RASGRF1: variants seen among roughly 807,000 people sequenced by gnomAD.
The protein encoded by RASGRF1 is Ras protein specific guanine nucleotide releasing factor 1.
In RASGRF1, 40 loss-of-function variants were observed where a neutral mutation model predicts 138.7. That is an observed-to-expected ratio of 0.29 (90% CI 0.22 to 0.38). The LOEUF is 0.38. RASGRF1 is among the 10% of genes least tolerant of loss of function. The probability of loss-of-function intolerance (pLI) is 1.00; values close to 1 mark genes in which losing one functional copy is unlikely to be tolerated. For missense variants in RASGRF1, 1,108 were observed against 1,650.4 expected (o/e 0.67, Z 5.69); for synonymous variants, 614 against 663.2 (o/e 0.93, Z 1.14).
In RASGRF1 at chr15:79,022,456, A is replaced by ACC. The variant is rs570334494; in HGVS notation, c.1543-2354_1543-2353dup. ...ACTCCACCTCAAAAACAAACAAACA[A>ACC]CCCCCCCCCAAAAACCCCCACAAAA... On this transcript the variant is annotated intron_variant, in intron 10 of 26. Transcript: ENST00000558480. Among the ~76,000 whole-genome samples the ACC allele has an allele frequency of 4.6e-3, 603 of 130,382 alleles. 3 individuals carry two copies. The highest frequency in any genetic ancestry group is 0.016 in the African/African-American group (522 of 32,100). 85.5% of individuals were successfully genotyped at this position (130,382 alleles called of 152,430 possible).
At chr15:79,072,584 T>A (rs896566622) in intron 1 of RASGRF1, among the ~76,000 whole-genome samples, 1 of 151,990 alleles carries the variant, frequency 6.6e-6, no homozygotes, top group Non-Finnish European at 1.5e-5. Context: ...CAATAAATAA[T>A]CTTAATATCA....
intron 13 of RASGRF1, among the ~76,000 whole-genome samples, chr15:79,011,997 C>G (rs994209229): frequency 1.3e-5 from 2 of 150,420 alleles, no homozygotes; most frequent in Non-Finnish European, 3.0e-5. Flanking sequence ...GCCTGGGTGA[C>G]AGAGCGAGAC....
intron 15 of RASGRF1, 130 bp downstream of exon 15, chr15:79,003,672 T>TG: frequency 7.2e-7 from 1 of 1,386,908 alleles, no homozygotes; most frequent in East Asian, 2.3e-5. Flanking sequence ...ATCTGCCTGG[T>TG]GGGACCCCCA....
chr15:79,072,992 C>T (rs1273118252), intron 1 of RASGRF1, among the ~76,000 whole-genome samples: 1 of 152,180 alleles, frequency 6.6e-6, no homozygotes, highest in Admixed American at 6.5e-5. Context: ...TTGCCTGGAT[C>T]CCGGTTGGAT....
At chr15:79,053,280 C>G (rs762954805) in intron 3 of RASGRF1, among the ~76,000 whole-genome samples, 12 of 152,148 alleles carry the variant, frequency 7.9e-5, no homozygotes, top group Admixed American at 3.9e-4. Flanking sequence ...CAACCCAAAA[C>G]TGATTCCAAG....
intron 21 of RASGRF1, 63 bp downstream of exon 21, chr15:78,991,628 G>A: frequency 7.6e-7 from 1 of 1,314,678 alleles, no homozygotes; most frequent in Non-Finnish European, 1.1e-6. Flanking sequence ...TGTGCTTCCA[G>A]GGTGCTGTCC....
intron 4 of RASGRF1, 34 bp downstream of exon 4, chr15:79,049,462 T>A (rs767543728): frequency 6.3e-7 from 1 of 1,599,750 alleles, no homozygotes. Context: ...AAGAGAGAGC[T>A]CCAAAGAAGG....
chr15:79,006,244 C>T lies in RASGRF1; in HGVS notation c.2017G>A (p.Val673Met), dbSNP rs370166186. 66 of 1,614,046 alleles carry T rather than the reference C, an allele frequency of 4.1e-5. No homozygotes were observed. Among genetic ancestry groups the T allele is most frequent in the Non-Finnish European group, 5.4e-5 (64 of 1,180,054 alleles). ...HSYRVFTTAI[V>M]VLDKLITIYK... ...ATGGTAATGAGCTTGTCCAGGACCA[C>T]GATGGCGGTGGTGAAGACGCGGTAG... Residue 673 changes from valine (V) to methionine (M), a missense_variant, in exon 14 of 27, where the codon GTG (valine) becomes ATG (methionine). Val to Met is a conservative substitution (Grantham distance 21). Coordinates refer to ENST00000558480, the MANE Select transcript of RASGRF1 (RefSeq NM_001145648.3). The surrounding 1 kb of genome is among the most constrained non-coding windows in gnomAD (Gnocchi z 4.0).
At chr15:79,058,782 T>C (rs906605095) in intron 2 of RASGRF1, among the ~76,000 whole-genome samples, 1 of 152,234 alleles carries the variant, frequency 6.6e-6, no homozygotes, top group Non-Finnish European at 1.5e-5. Context: ...GAGAGAATCC[T>C]TTAGTTTATA....
chr15:79,001,706 T>TAACTAAATCAAC lies in RASGRF1; in HGVS notation c.2530_2531insGTTGATTTAGTT (p.Lys844delinsSerTer). Reference sequence around the variant, plus strand: ...GACTGATTTGGGTGTTGTTGGAGATTTAGTTGGTGATGTTTCAGTATCACC... The same window carrying TAACTAAATCAAC: ...GACTGATTTGGGTGTTGTTGGAGATTAACTAAATCAACTAGTTGGTGATGTTTCAGTATCACC... On this transcript the variant is annotated stop_gained and protein_altering_variant, in exon 16 of 27. Coordinates refer to ENST00000558480, the MANE Select transcript of RASGRF1 (RefSeq NM_001145648.3). LOFTEE classifies it high-confidence loss of function. The TAACTAAATCAAC allele has an allele frequency of 6.2e-7, 1 of 1,611,346 alleles. No individual in the cohort carries two copies. The highest frequency in any genetic ancestry group is 8.5e-7 in the Non-Finnish European group (1 of 1,177,504).
chr15:79,064,422 G>T lies in RASGRF1; in HGVS notation c.381C>A (p.Ala127=). The T allele has an allele frequency of 6.2e-7, 1 of 1,613,634 alleles. No individual in the cohort carries two copies. Among genetic ancestry groups the T allele is most frequent in the Middle Eastern group, 1.7e-4 (1 of 6,058 alleles). The change falls in exon 2 of 27, where the codon GCC becomes GCA. Residue 127 remains alanine, a splice_region_variant and synonymous_variant. Coordinates refer to ENST00000558480, the MANE Select transcript of RASGRF1 (RefSeq NM_001145648.3). Reference sequence around the variant, plus strand: ...CTGCCCTGGGCAAGGAGACATACCTGGCATGTGCAATGGCTGCCACCCATT... The same window carrying T: ...CTGCCCTGGGCAAGGAGACATACCTTGCATGTGCAATGGCTGCCACCCATT... ...CDEWVAAIAH[A]SYRTLATEHE...
intron 24 of RASGRF1, among the ~76,000 whole-genome samples, chr15:78,974,382 C>A (rs2055831946): frequency 6.6e-6 from 1 of 152,172 alleles, no homozygotes; most frequent in African/African-American, 2.4e-5. Flanking sequence ...GGCCACCTGG[C>A]AACCCTGCTA....
intron 6 of RASGRF1, among the ~76,000 whole-genome samples, chr15:79,033,879 C>T (rs575896676): frequency 2.0e-5 from 3 of 152,264 alleles, no homozygotes; most frequent in Non-Finnish European, 2.9e-5. Context: ...CATGAGTCAC[C>T]GTGCTCGGCC....
intron 10 of RASGRF1, among the ~76,000 whole-genome samples, chr15:79,022,865 G>C (rs773135537): frequency 2.6e-5 from 4 of 152,216 alleles, no homozygotes; most frequent in African/African-American, 7.2e-5. Context: ...TTTATCTGAT[G>C]CTGTGGCTTA....
intron 3 of RASGRF1, among the ~76,000 whole-genome samples, chr15:79,053,204 G>A (rs776214086): frequency 2.0e-5 from 3 of 152,124 alleles, no homozygotes; most frequent in Non-Finnish European, 4.4e-5. Flanking sequence ...GGCAGAGGTT[G>A]CAGTGAGCCG....
chr15:79,077,370 A>G (rs2057847318), intron 1 of RASGRF1, among the ~76,000 whole-genome samples: 1 of 152,338 alleles, frequency 6.6e-6, no homozygotes, highest in Non-Finnish European at 1.5e-5. Flanking sequence ...TGTTTAGGAC[A>G]GCATTGTGGG....
intron 13 of RASGRF1, among the ~76,000 whole-genome samples, chr15:79,011,281 G>C (rs1056080319): frequency 1.3e-5 from 2 of 152,052 alleles, no homozygotes; most frequent in Non-Finnish European, 2.9e-5. Context: ...TATTATTTAA[G>C]AAAGTCAAAT....
intron 26 of RASGRF1, among the ~76,000 whole-genome samples, chr15:78,962,689 C>A (rs1414873588): frequency 6.6e-6 from 1 of 151,992 alleles, no homozygotes; most frequent in Non-Finnish European, 1.5e-5. Context: ...TTGAAACCAG[C>A]TTGGGCAACA....
chr15:78,969,175 C>T (rs2141592665), intron 26 of RASGRF1, among the ~76,000 whole-genome samples: 1 of 152,296 alleles, frequency 6.6e-6, no homozygotes, highest in South Asian at 2.1e-4. Flanking sequence ...TTTTTCTCTT[C>T]AACAGCAAAT....
Sources: gnomAD v4.1 joint callset for allele counts (sites outside exome capture counted in the v4.1 genomes callset) on GRCh38, gnomAD v4.1.1 for gene constraint, Gnocchi (gnomAD v3.1) non-coding constraint, MANE v1.5 for transcripts, NCBI Gene and HGNC (gene_info 2026-07-23, HGNC 2026-07-21) for gene names.